The following TUSC3 variants were observed in gnomAD, a reference collection of about 807,000 sequenced individuals.
The protein encoded by TUSC3 is tumor suppressor candidate 3.
Under a neutral mutation model 44.8 loss-of-function variants are expected in TUSC3, and 45 were observed. That is an observed-to-expected ratio of 1.00 (90% CI 0.79 to 1.29). The LOEUF (loss-of-function observed/expected upper bound fraction) is 1.29. Among genes scored for constraint, TUSC3 ranks in the 50% most tolerant of loss-of-function variants. TUSC3 has a pLI of 0.00. For missense variants in TUSC3, 519 were observed against 437.9 expected (o/e 1.19, Z -1.65); for synonymous variants, 212 against 152.9 (o/e 1.39, Z -2.85).
chr8:15,555,791 G>T (rs1456567253), intron 1 of TUSC3, among the ~76,000 whole-genome samples: 3 of 151,348 alleles, frequency 2.0e-5, no homozygotes, highest in Admixed American at 6.6e-5. Context: ...TTTATTCTAA[G>T]GAGGCTTTTG....
chr8:15,643,143 T>G (rs12541338), intron 2 of TUSC3, among the ~76,000 whole-genome samples: 38,531 of 152,056 alleles, frequency 0.25, 5,893 homozygotes, highest in Non-Finnish European at 0.35. Context: ...CCTGCCGCCT[T>G]GTGAAGAAGG....
chr8:15,454,410 A>G (rs969392706), intron 1 of TUSC3, among the ~76,000 whole-genome samples: 4 of 152,206 alleles, frequency 2.6e-5, no homozygotes, highest in Non-Finnish European at 5.9e-5. Context: ...ATTTGCTGCC[A>G]CCAACATTCT....
chr8:15,705,794 G>A (rs1477163628), intron 6 of TUSC3, among the ~76,000 whole-genome samples: 2 of 151,958 alleles, frequency 1.3e-5, no homozygotes, highest in Middle Eastern at 3.2e-3. Context: ...GAGTTTGTAG[G>A]TATTACAGAA....
chr8:15,635,203 A>C (rs907453281), intron 2 of TUSC3, among the ~76,000 whole-genome samples: 1 of 152,206 alleles, frequency 6.6e-6, no homozygotes, highest in African/African-American at 2.4e-5. Context: ...AGATCTGAAT[A>C]ATGCCCACAT....
the TUSC3 span, among the ~76,000 whole-genome samples, chr8:15,798,367 T>G: frequency 5.3e-5 from 8 of 152,264 alleles, no homozygotes; most frequent in African/African-American, 1.9e-4. Context: ...CCATAAAAGT[T>G]TGAATCCTTC....
chr8:15,797,408 G>T, the TUSC3 span, among the ~76,000 whole-genome samples: 1 of 151,938 alleles, frequency 6.6e-6, no homozygotes, highest in African/African-American at 2.4e-5. Context: ...GATGCCAGAG[G>T]GACTTAGCAC....
chr8:15,851,506 G>C, the TUSC3 span, among the ~76,000 whole-genome samples: 1 of 152,140 alleles, frequency 6.6e-6, no homozygotes, highest in East Asian at 1.9e-4. Flanking sequence ...GGTGTGAACT[G>C]TTATTCTCAT....
At chr8:15,433,420 A>T (rs570051665) in intron 1 of TUSC3, among the ~76,000 whole-genome samples, 2 of 152,260 alleles carry the variant, frequency 1.3e-5, no homozygotes, top group Admixed American at 6.5e-5. Context: ...CAGACCTTTT[A>T]TTAGTTTGAG....
chr8:15,434,873 T>G (rs77811810), intron 1 of TUSC3, among the ~76,000 whole-genome samples: 9,752 of 152,124 alleles, frequency 0.064, 387 homozygotes, highest in East Asian at 0.16. Flanking sequence ...ACTCATCATT[T>G]TTTATGGCTG....
At chr8:15,556,468 G>A (rs1802270367) in intron 1 of TUSC3, among the ~76,000 whole-genome samples, 1 of 151,462 alleles carries the variant, frequency 6.6e-6, no homozygotes, top group Non-Finnish European at 1.5e-5. Flanking sequence ...AAACATACGT[G>A]TGCATGTGTC....
At chr8:15,593,293 C>T (rs945892353) in intron 1 of TUSC3, among the ~76,000 whole-genome samples, 3 of 151,966 alleles carry the variant, frequency 2.0e-5, no homozygotes, top group Admixed American at 2.0e-4. Flanking sequence ...ACCATGTTTA[C>T]CAGGTTGGTC....
intron 1 of TUSC3, among the ~76,000 whole-genome samples, chr8:15,478,523 C>T (rs545582418): frequency 7.9e-5 from 12 of 152,234 alleles, no homozygotes; most frequent in Admixed American, 2.0e-4. Flanking sequence ...TGAGAACATG[C>T]AATGTTTGGT....
chr8:15,842,711 C>T, the TUSC3 span, among the ~76,000 whole-genome samples: 1 of 152,170 alleles, frequency 6.6e-6, no homozygotes, highest in South Asian at 2.1e-4. Flanking sequence ...AATTTTTGGT[C>T]TGTGATGTAA....
chr8:15,497,665 T>C (rs1800901349), intron 2 of TUSC3, among the ~76,000 whole-genome samples: 1 of 152,144 alleles, frequency 6.6e-6, no homozygotes, highest in South Asian at 2.1e-4. Flanking sequence ...GACAGGTAGA[T>C]TGTGTAATAG....
At chr8:15,826,478 G>A in the TUSC3 span, among the ~76,000 whole-genome samples, 2 of 152,090 alleles carry the variant, frequency 1.3e-5, no homozygotes, top group Non-Finnish European at 2.9e-5. Flanking sequence ...TTAATATATT[G>A]CAACTATTTA....
At chr8:15,645,247 T>G (rs573072155) in intron 2 of TUSC3, among the ~76,000 whole-genome samples, 1 of 152,300 alleles carries the variant, frequency 6.6e-6, no homozygotes, top group South Asian at 2.1e-4. Flanking sequence ...CCTATTTATG[T>G]TTCTACCACT....
intron 6 of TUSC3, among the ~76,000 whole-genome samples, chr8:15,725,813 C>G (rs1397546801): frequency 6.6e-6 from 1 of 152,152 alleles, no homozygotes; most frequent in African/African-American, 2.4e-5. Flanking sequence ...GGGAATATGA[C>G]TAAAATCGAT....
intron 2 of TUSC3, among the ~76,000 whole-genome samples, chr8:15,529,504 G>T (rs10108360): frequency 0.056 from 8,591 of 152,120 alleles, 398 homozygotes; most frequent in African/African-American, 0.13. Context: ...TGAATGAAAT[G>T]TATCGTAATA....
rs937264521 is a variant in TUSC3, at chr8:15,540,701, C to T, written c.138+133C>T. ...GCGATGCCGGCGCTGGGGCGGGAGCCGCGAGGGTGGGAGGCCCTGGGGCGT... is the reference window on the plus strand; with the variant it reads ...GCGATGCCGGCGCTGGGGCGGGAGCTGCGAGGGTGGGAGGCCCTGGGGCGT... On this transcript the variant is annotated intron_variant, in intron 1 of 10. Transcript: ENST00000503731. 57 of 1,278,288 alleles carry T rather than the reference C, an allele frequency of 4.5e-5. 1 individual carries two copies. In the South Asian group the frequency reaches 9.1e-4, roughly 20 times the overall value. 79.2% of individuals were successfully genotyped at this position (1,278,288 alleles called of 1,614,324 possible). A position where few individuals can be genotyped will look rare whatever the true frequency, so the allele number is the denominator to read the frequency against.
Sources: gnomAD v4.1 joint callset for allele counts (sites outside exome capture counted in the v4.1 genomes callset) on GRCh38, gnomAD v4.1.1 for gene constraint, MANE v1.5 for transcripts, NCBI Gene and HGNC (gene_info 2026-07-23, HGNC 2026-07-21) for gene names.